Variants in PTCSC3 observed in about 807,000 individuals in gnomAD.
The protein encoded by PTCSC3 is papillary thyroid carcinoma susceptibility candidate 3.
At chr14:36,161,745 A>C (rs975301005) in intron 2 of PTCSC3, among the ~76,000 whole-genome samples, 1 of 152,188 alleles carries the variant, frequency 6.6e-6, no homozygotes. Context: ...GCAGAGCTTG[A>C]ACGCTGTGCT....
chr14:36,147,084 C>T (rs896798368), intron 3 of PTCSC3, among the ~76,000 whole-genome samples: 15 of 152,128 alleles, frequency 9.9e-5, no homozygotes, highest in Non-Finnish European at 1.5e-4. Flanking sequence ...TTCTCTCTAG[C>T]TGCCCTTAAC....
At chr14:36,149,083 C>T (rs929310897) in intron 3 of PTCSC3, among the ~76,000 whole-genome samples, 1 of 151,830 alleles carries the variant, frequency 6.6e-6, no homozygotes, top group Non-Finnish European at 1.5e-5. Flanking sequence ...AATGTGTAGG[C>T]TTAGGTTACT....
At chr14:36,145,902 C>G (rs1016661085) in intron 3 of PTCSC3, among the ~76,000 whole-genome samples, 4 of 150,192 alleles carry the variant, frequency 2.7e-5, no homozygotes, top group Admixed American at 2.6e-4. Flanking sequence ...TTTATTTCTG[C>G]CTTCATTTTG....
intron 2 of PTCSC3, among the ~76,000 whole-genome samples, chr14:36,156,163 G>T (rs544769942): frequency 6.6e-6 from 1 of 152,214 alleles, no homozygotes; most frequent in African/African-American, 2.4e-5. Flanking sequence ...ATCACCGTAC[G>T]TCTCTGCTCA....
intron 1 of PTCSC3, chr14:36,165,361 G>C (rs1173159761): frequency 6.6e-6 from 1 of 152,142 alleles, no homozygotes; most frequent in Admixed American, 6.5e-5. Flanking sequence ...ACCTGGCTAT[G>C]TTTGTCCTAT....
intron 1 of PTCSC3, among the ~76,000 whole-genome samples, chr14:36,174,746 G>T (rs1882252753): frequency 1.3e-5 from 2 of 152,152 alleles, no homozygotes; most frequent in South Asian, 4.1e-4. Context: ...AATCTTGTCG[G>T]GGTTTGGTTT....
chr14:36,135,889 G>T (rs80190337), downstream of PTCSC3, among the ~76,000 whole-genome samples: 2 of 139,338 alleles, frequency 1.4e-5, no homozygotes, highest in African/African-American at 5.1e-5. Flanking sequence ...GTGTGTGTGT[G>T]TATATATATA....
intron 2 of PTCSC3, among the ~76,000 whole-genome samples, chr14:36,160,433 A>C (rs1881930664): frequency 1.3e-5 from 2 of 152,098 alleles, no homozygotes; most frequent in Admixed American, 6.5e-5. Flanking sequence ...TGGTGACAAA[A>C]TCTCTCAGCA....
At position 36,164,692 on chromosome 14, in the gene PTCSC3, A is replaced by C. The variant is rs188250187; in HGVS notation, n.172-2009T>G. On this transcript the variant is annotated intron_variant and non_coding_transcript_variant, in intron 1 of 3. Coordinates refer to ENST00000556013, the Ensembl canonical transcript of PTCSC3. ...AAACACTGGATACTACAACCTGTAC[A>C]TTTCCCCACTGACCTCTATGTCCCC... Among the ~76,000 whole-genome samples the C allele has an allele frequency of 2.2e-3, 339 of 152,228 alleles. 2 individuals are homozygous for C. Among genetic ancestry groups the C allele is most frequent in the Admixed American group, 0.019 (295 of 15,284 alleles).
intron 3 of PTCSC3, among the ~76,000 whole-genome samples, chr14:36,140,002 TC>T (rs1881382280): frequency 6.6e-6 from 1 of 152,168 alleles, no homozygotes; most frequent in South Asian, 2.1e-4. Flanking sequence ...TCCATCACCC[TC>T]CAAGAATCCA....
At chr14:36,141,758 T>A (rs540139986) in intron 3 of PTCSC3, among the ~76,000 whole-genome samples, 2 of 152,326 alleles carry the variant, frequency 1.3e-5, no homozygotes, top group East Asian at 3.9e-4. Flanking sequence ...ATTTATACAT[T>A]TTATCAGATT....
intron 1 of PTCSC3, among the ~76,000 whole-genome samples, chr14:36,164,586 ATT>A: frequency 1.2e-5 from 1 of 82,376 alleles, no homozygotes; most frequent in Non-Finnish European, 3.0e-5. Context: ...AGTTAGAACT[ATT>A]TTTTATTTTT....
chr14:36,147,988 C>T (rs1014841674), intron 3 of PTCSC3, among the ~76,000 whole-genome samples: 9 of 152,186 alleles, frequency 5.9e-5, no homozygotes, highest in Non-Finnish European at 1.3e-4. Flanking sequence ...GGTCAGGGGT[C>T]AGGGACCCCC....
intron 3 of PTCSC3, among the ~76,000 whole-genome samples, chr14:36,142,089 G>C (rs1594443980): frequency 6.6e-6 from 1 of 152,074 alleles, no homozygotes; most frequent in East Asian, 1.9e-4. Flanking sequence ...GGGACATCCT[G>C]GTTTCATTCC....
intron 3 of PTCSC3, among the ~76,000 whole-genome samples, chr14:36,139,560 C>T (rs28647486): frequency 0.11 from 16,041 of 151,754 alleles, 994 homozygotes; most frequent in Middle Eastern, 0.19. Context: ...TTATTCGCTA[C>T]CCCCCCAATA....
At chr14:36,167,880 G>GCTA (rs1241513200) in intron 1 of PTCSC3, among the ~76,000 whole-genome samples, 2 of 152,134 alleles carry the variant, frequency 1.3e-5, no homozygotes, top group African/African-American at 4.8e-5. Context: ...GTTCTGTAGA[G>GCTA]CTACAACAAA....
At chr14:36,167,120 A>G (rs1566511065) in intron 1 of PTCSC3, among the ~76,000 whole-genome samples, 1 of 152,224 alleles carries the variant, frequency 6.6e-6, no homozygotes, top group Non-Finnish European at 1.5e-5. Context: ...GCACATTTGT[A>G]AAAGAGAAAC....
intron 2 of PTCSC3, among the ~76,000 whole-genome samples, chr14:36,157,675 G>A (rs967642466): frequency 6.6e-6 from 1 of 151,864 alleles, no homozygotes; most frequent in Non-Finnish European, 1.5e-5. Flanking sequence ...TTGTTTTGAT[G>A]AAGTCAGGTA....
chr14:36,148,670 G>T (rs567638788), intron 3 of PTCSC3, among the ~76,000 whole-genome samples: 2 of 152,068 alleles, frequency 1.3e-5, no homozygotes, highest in African/African-American at 2.4e-5. Context: ...GTTCCTATTC[G>T]GCCATCTTGG....
Sources: gnomAD v4.1 joint callset for allele counts (sites outside exome capture counted in the v4.1 genomes callset) on GRCh38, gnomAD v4.1.1 for gene constraint, MANE v1.5 for transcripts, NCBI Gene and HGNC (gene_info 2026-07-23, HGNC 2026-07-21) for gene names.